The following KCNC2 variants were observed in gnomAD, a reference collection of about 807,000 sequenced individuals.
The protein encoded by KCNC2 is potassium voltage-gated channel subfamily C member 2, also known as voltage-gated potassium channel KCNC2.
In KCNC2, 21 loss-of-function variants were observed where a neutral mutation model predicts 44.5. That is an observed-to-expected ratio of 0.47 (90% CI 0.33 to 0.68). The LOEUF (loss-of-function observed/expected upper bound fraction) is 0.68, where lower values mean the gene tolerates loss of function less well. KCNC2 is among the 30% of genes least tolerant of loss of function. The probability of loss-of-function intolerance (pLI) is 0.01; values close to 1 mark genes in which losing one functional copy is unlikely to be tolerated. For synonymous variants in KCNC2, 391 were observed against 339.1 expected, an observed-to-expected ratio of 1.15 and a Z score of -1.68; for missense variants, 589 against 826.2, an observed-to-expected ratio of 0.71 and a Z score of 3.52.
intron 2 of KCNC2, among the ~76,000 whole-genome samples, chr12:75,170,634 A>G (rs1385429323): frequency 6.6e-6 from 1 of 151,804 alleles, no homozygotes; most frequent in Non-Finnish European, 1.5e-5. Context: ...CTGTATGTGA[A>G]TCAGTAAGAC....
chr12:75,205,419 A>G (rs2031605090), intron 2 of KCNC2, among the ~76,000 whole-genome samples: 2 of 152,166 alleles, frequency 1.3e-5, no homozygotes, highest in South Asian at 2.1e-4. Context: ...ACAGATGCAG[A>G]TCAAAGTCTC....
chr12:75,101,833 G>C (rs958067975), intron 2 of KCNC2, among the ~76,000 whole-genome samples: 2 of 152,042 alleles, frequency 1.3e-5, no homozygotes, highest in Non-Finnish European at 2.9e-5. Flanking sequence ...GCTAAATTTA[G>C]CAAGCCTTGA....
chr12:75,179,080 A>G (rs909193602), intron 2 of KCNC2, among the ~76,000 whole-genome samples: 4 of 152,048 alleles, frequency 2.6e-5, no homozygotes, highest in Non-Finnish European at 5.9e-5. Context: ...AAGATAATGA[A>G]ATAAAAGTTA....
At position 75,209,659 on chromosome 12, in the gene KCNC2, C is replaced by G. The variant is rs902848098; in HGVS notation, c.-472G>C. ...TTCCATCTGCAGATTTTGTTTCTCC[C>G]CCAAATCAGCCACTGCTGGAGCTGT... On this transcript the variant is annotated 5_prime_UTR_variant, in exon 1 of 5. Coordinates refer to ENST00000549446, the MANE Select transcript of KCNC2 (RefSeq NM_139137.4). 3 of 152,496 alleles carry G rather than the reference C, an allele frequency of 2.0e-5. No individual in the cohort carries two copies. Among genetic ancestry groups the G allele is most frequent in the Non-Finnish European group, 4.4e-5 (3 of 68,336 alleles). 9.4% of individuals were successfully genotyped at this position (152,496 alleles called of 1,614,324 possible). A position where few individuals can be genotyped will look rare whatever the true frequency, so the allele number is the denominator to read the frequency against.
chr12:75,093,580 T>A (rs925744399), intron 2 of KCNC2, among the ~76,000 whole-genome samples: 5 of 151,674 alleles, frequency 3.3e-5, no homozygotes, highest in Non-Finnish European at 7.4e-5. Context: ...CACAACATAT[T>A]AAAATTGAAG....
At chr12:75,203,472 C>G (rs1480282130) in intron 2 of KCNC2, among the ~76,000 whole-genome samples, 1 of 151,700 alleles carries the variant, frequency 6.6e-6, no homozygotes, top group African/African-American at 2.4e-5. Context: ...GCAGAAGGAT[C>G]GTATATGAGA....
intron 2 of KCNC2, among the ~76,000 whole-genome samples, chr12:75,155,973 T>A (rs561279624): frequency 5.9e-5 from 9 of 151,782 alleles, no homozygotes; most frequent in Admixed American, 2.6e-4. Context: ...GTACCTACAA[T>A]GAGGCACAGT....
chr12:75,086,585 T>A (rs899197620), intron 2 of KCNC2, among the ~76,000 whole-genome samples: 1 of 150,654 alleles, frequency 6.6e-6, no homozygotes, highest in Non-Finnish European at 1.5e-5. Context: ...AGCACCAGGC[T>A]TCAGGGATAA....
rs200429559 is a variant in KCNC2 at position 75,207,388 on chromosome 12, C to G, written c.596G>C (p.Gly199Ala). 3.0e-5 allele frequency: 48 copies of G among 1,583,554 alleles called. No individual in the cohort carries two copies. In the African/African-American group the frequency reaches 6.2e-4, roughly 21 times the overall value. The change falls in exon 2 of 5, where the codon GGG becomes GCG. Residue 199 changes from glycine to alanine, a missense_variant. Around this residue, in one of 7 missense-constraint regions of KCNC2, gnomAD observed 97 missense variants for 73.3 expected, o/e 1.32. Coordinates refer to ENST00000549446, the MANE Select transcript of KCNC2 (RefSeq NM_139137.4). The surrounding 1 kb of genome is among the most constrained non-coding windows in gnomAD (Gnocchi z 4.1). ...GCGGCCAGATTTGCCGTCGGGGCCC[C>G]CGAGCCCCGCCGCGTCCTCGATGCC... is the stretch of plus-strand genomic sequence containing the variant. ...RLGIEDAAGL[G>A]GPDGKSGRWR... is the part of the protein sequence containing the mutation.
intron 2 of KCNC2, among the ~76,000 whole-genome samples, chr12:75,133,063 T>C (rs1422451980): frequency 6.6e-6 from 1 of 152,020 alleles, no homozygotes; most frequent in Non-Finnish European, 1.5e-5. Context: ...AAATCGATGA[T>C]AGACTTTATC....
chr12:75,149,269 A>T (rs991883243), intron 2 of KCNC2, among the ~76,000 whole-genome samples: 1 of 151,708 alleles, frequency 6.6e-6, no homozygotes, highest in Non-Finnish European at 1.5e-5. Context: ...TACCTCTTGT[A>T]GCAGTAATAT....
intron 2 of KCNC2, among the ~76,000 whole-genome samples, chr12:75,094,409 G>T (rs1885748313): frequency 6.6e-6 from 1 of 151,552 alleles, no homozygotes; most frequent in African/African-American, 2.4e-5. Flanking sequence ...GTGATAGAGT[G>T]ATATAGCAAA....
At chr12:75,202,443 A>G (rs1311697628) in intron 2 of KCNC2, among the ~76,000 whole-genome samples, 1 of 151,888 alleles carries the variant, frequency 6.6e-6, no homozygotes, top group Non-Finnish European at 1.5e-5. Context: ...AAAGGTCAAA[A>G]GACACTTCAA....
intron 2 of KCNC2, among the ~76,000 whole-genome samples, chr12:75,130,610 A>ATCC: frequency 6.6e-6 from 1 of 152,196 alleles, no homozygotes; most frequent in Non-Finnish European, 1.5e-5. Flanking sequence ...ACACATCAAT[A>ATCC]AGAAATTATT....
In KCNC2 at chr12:75,051,156, C is replaced by T. The variant is rs201186928; in HGVS notation, c.849G>A (p.Thr283=). Residue 283 remains threonine (T), a synonymous_variant, in exon 3 of 5, where the codon ACG becomes ACA. Coordinates refer to ENST00000549446, the MANE Select transcript of KCNC2 (RefSeq NM_139137.4). ...ACACCACACACACTCCTTCTACATA[C>T]GTCAAGGCAGGATCCGTTTCAATTT... is the stretch of plus-strand genomic sequence containing the variant. ...QYEIETDPAL[T]YVEGVCVVWF... is the part of the protein sequence containing the mutation. The T allele has an allele frequency of 2.5e-5, 40 of 1,613,644 alleles. No homozygotes were observed. In the Middle Eastern group the frequency reaches 9.9e-4, roughly 40 times the overall value.
chr12:75,176,101 A>C (rs561071322), intron 2 of KCNC2, among the ~76,000 whole-genome samples: 3 of 152,218 alleles, frequency 2.0e-5, no homozygotes, highest in Non-Finnish European at 4.4e-5. Flanking sequence ...AAAGACCAAA[A>C]AGTACAGAAG....
At chr12:75,203,479 G>A (rs987021997) in intron 2 of KCNC2, among the ~76,000 whole-genome samples, 2 of 151,822 alleles carry the variant, frequency 1.3e-5, no homozygotes, top group African/African-American at 4.8e-5. Context: ...GATCGTATAT[G>A]AGATACAACC....
chr12:75,134,623 T>C (rs892622880), intron 2 of KCNC2, among the ~76,000 whole-genome samples: 2 of 151,640 alleles, frequency 1.3e-5, no homozygotes, highest in African/African-American at 2.4e-5. Context: ...CATAGATCCA[T>C]GAAATGTTGG....
intron 2 of KCNC2, among the ~76,000 whole-genome samples, chr12:75,055,603 T>A (rs1247863673): frequency 6.6e-6 from 1 of 152,236 alleles, no homozygotes; most frequent in South Asian, 2.1e-4. Flanking sequence ...ACAGATCTGA[T>A]GCATCATCCC....
Sources: gnomAD v4.1 joint callset for allele counts (sites outside exome capture counted in the v4.1 genomes callset) on GRCh38, gnomAD v4.1.1 for gene constraint, gnomAD v4.1.1 regional missense constraint, Gnocchi (gnomAD v3.1) non-coding constraint, MANE v1.5 for transcripts, NCBI Gene and HGNC (gene_info 2026-07-23, HGNC 2026-07-21) for gene names.